Variants in MLXIP observed in about 807,000 individuals in gnomAD.
MLXIP encodes MLX interacting protein.
Under a neutral mutation model 87.2 loss-of-function variants are expected in MLXIP, and 30 were observed. The observed-to-expected ratio is 0.34, with a 90% CI of 0.26 to 0.47. The LOEUF is 0.47. Ranked by LOEUF, MLXIP falls within the 20% of genes least tolerant of loss-of-function variation. The pLI is 1.00. For missense variants in MLXIP, 1,002 were observed against 1,240.1 expected (o/e 0.81, Z 2.88); for synonymous variants, 530 against 514.0 (o/e 1.03, Z -0.42).
At chr12:122,117,304 G>T (rs777973649) in intron 1 of MLXIP, among the ~76,000 whole-genome samples, 10 of 152,210 alleles carry the variant, frequency 6.6e-5, no homozygotes, top group Non-Finnish European at 1.3e-4. Context: ...TCTCTGCTCG[G>T]GCAGGTGGCC....
chr12:122,089,820 C>T (rs1341064983), intron 1 of MLXIP, among the ~76,000 whole-genome samples: 1 of 152,170 alleles, frequency 6.6e-6, no homozygotes, highest in Admixed American at 6.5e-5. Context: ...CACCTAGTAC[C>T]TTTGTTATTC....
rs143643466 is a variant in MLXIP at position 122,141,194 on chromosome 12, C to T, written c.2638+111C>T. On this transcript the variant is annotated intron_variant, in intron 16 of 16. Transcript: ENST00000319080. The stretch of plus-strand genomic sequence containing the variant: ...TCCACTGCAGGCAGCCAGGTGGGGC[C>T]GGGGCAGGGGCACAGTGCTGTCCAG... The T allele has an allele frequency of 3.9e-5, 56 of 1,434,038 alleles. 1 individual carries two copies. The Middle Eastern group carries it at 7.4e-4, about 19-fold the overall frequency. 88.8% of individuals were successfully genotyped at this position (1,434,038 alleles called of 1,614,324 possible).
intron 1 of MLXIP, among the ~76,000 whole-genome samples, chr12:122,116,295 T>C (rs993523606): frequency 1.3e-5 from 2 of 152,012 alleles, no homozygotes; most frequent in African/African-American, 2.4e-5. Flanking sequence ...TTTTTTAATT[T>C]TATTATTATT....
At chr12:122,099,674 C>T (rs949276439) in intron 1 of MLXIP, among the ~76,000 whole-genome samples, 1 of 152,248 alleles carries the variant, frequency 6.6e-6, no homozygotes, top group African/African-American at 2.4e-5. Context: ...AGGAGCAGAG[C>T]CTCAGGGCTT....
Position 122,132,275 on chromosome 12 carries a change from C to T in MLXIP, c.1001-17C>T, listed in dbSNP as rs760187668. The T allele has an allele frequency of 6.3e-7, 1 of 1,593,228 alleles. No homozygotes were observed. Among genetic ancestry groups the T allele is most frequent in the East Asian group, 2.3e-5 (1 of 44,442 alleles). On this transcript the variant is annotated splice_polypyrimidine_tract_variant and intron_variant, in intron 7 of 16. Transcript: ENST00000319080. ...TGGGCACACTGAGCTCAGAAGACCC[C>T]TGCTGTTGTTTTTCAGACCTCTTCT...
chr12:122,140,396 A>G (rs1407441332), intron 15 of MLXIP, among the ~76,000 whole-genome samples: 1 of 152,078 alleles, frequency 6.6e-6, no homozygotes, highest in Non-Finnish European at 1.5e-5. Context: ...TCCCGGGTTC[A>G]AGCGATTCTC....
intron 1 of MLXIP, among the ~76,000 whole-genome samples, chr12:122,080,364 G>C (rs1326163863): frequency 6.6e-6 from 1 of 152,126 alleles, no homozygotes; most frequent in Non-Finnish European, 1.5e-5. Flanking sequence ...CATAAACAGC[G>C]TAATAAAAGA....
At chr12:122,082,064 T>C (rs922674327) in intron 1 of MLXIP, among the ~76,000 whole-genome samples, 12 of 152,330 alleles carry the variant, frequency 7.9e-5, no homozygotes, top group African/African-American at 2.9e-4. Context: ...AGAAGTGGCC[T>C]AGGGATTCTG....
intron 1 of MLXIP, among the ~76,000 whole-genome samples, chr12:122,114,274 C>A (rs137919815): frequency 0.011 from 1,733 of 152,300 alleles, 30 homozygotes; most frequent in African/African-American, 0.039. Flanking sequence ...GCGTGAGCCA[C>A]TGCGCCTGGC....
At position 122,133,304 on chromosome 12, in the gene MLXIP, T is replaced by C; in HGVS notation, c.1093-44T>C. 2 of 1,519,978 alleles carry C rather than the reference T, an allele frequency of 1.3e-6. No homozygotes were observed. The highest frequency in any genetic ancestry group is 1.8e-6 in the Non-Finnish European group (2 of 1,135,892). The allele number at this position is 1,519,978 out of a possible 1,614,324, so 94.2% of individuals were successfully genotyped here. On this transcript the variant is annotated intron_variant, in intron 8 of 16. Transcript: ENST00000319080. The surrounding 1 kb of genome is among the most constrained non-coding windows in gnomAD (Gnocchi z 4.9). ...AGTGTGCAGCGCTAGAAAGGAATTG[T>C]CTGACCCCAGCATTGCTTCCTGGCT...
At chr12:122,099,839 G>A (rs1176297052) in intron 1 of MLXIP, among the ~76,000 whole-genome samples, 1 of 152,202 alleles carries the variant, frequency 6.6e-6, no homozygotes, top group African/African-American at 2.4e-5. Flanking sequence ...GAACTCCCTT[G>A]GTGGGTGGGA....
chr12:122,127,968 G>T lies in MLXIP; in HGVS notation c.606G>T (p.Glu202Asp). The T allele has an allele frequency of 6.2e-7, 1 of 1,613,154 alleles. No homozygotes were observed. The highest frequency in any genetic ancestry group is 8.5e-7 in the Non-Finnish European group (1 of 1,179,590). Residue 202 changes from glutamate to aspartate, a missense_variant and splice_region_variant, in exon 3 of 17, where the codon GAG becomes GAT. Physicochemically the swap from Glu to Asp is conservative, Grantham distance 45 (BLOSUM62 2). Coordinates refer to ENST00000319080, the MANE Select transcript of MLXIP (RefSeq NM_014938.6). The stretch of plus-strand genomic sequence containing the variant: ...ACGTAGACGAGCACCGCCGGCCGGA[G>T]GTACTTGGCAGTGACCAAGGGTGGC... Reference protein sequence around the residue: ...SVDVDEHRRPEAITTEGKYWK... With the variant: ...SVDVDEHRRPDAITTEGKYWK...
Position 122,079,138 on chromosome 12 carries a change from G to A in MLXIP, c.285G>A (p.Lys95=). ...SSPHREHPPK[K]GYDFDTVNKQ... ...CGCACCGAGAGCACCCGCCCAAGAAGGGCTACGATTTCGACACGGTCAACA... is the reference window on the plus strand; with the variant it reads ...CGCACCGAGAGCACCCGCCCAAGAAAGGCTACGATTTCGACACGGTCAACA... The change falls in exon 1 of 17, where the codon AAG becomes AAA. Residue 95 remains lysine, a synonymous_variant. Transcript: ENST00000319080. The A allele has an allele frequency of 1.3e-6, 2 of 1,550,650 alleles. No homozygotes were observed. The highest frequency in any genetic ancestry group is 1.7e-6 in the Non-Finnish European group (2 of 1,146,752).
At position 122,129,322 on chromosome 12, in the gene MLXIP, C is replaced by T. The variant is rs544794983; in HGVS notation, c.696+96C>T. 65 of 1,151,468 alleles carry T rather than the reference C, an allele frequency of 5.6e-5. No individual in the cohort carries two copies. In the African/African-American group the frequency reaches 7.7e-4, roughly 14 times the overall value. 71.3% of individuals were successfully genotyped at this position (1,151,468 alleles called of 1,614,324 possible). On this transcript the variant is annotated intron_variant, in intron 4 of 16. Coordinates refer to ENST00000319080, the MANE Select transcript of MLXIP (RefSeq NM_014938.6). ...GCCGAGGCGGTAGGCTCCACAGCCG[C>T]CCCACCTGAACGTGGAGCGTCAAGC...
chr12:122,138,652 C>T (rs1953139631), intron 14 of MLXIP, 101 bp downstream of exon 14: 50 of 1,504,964 alleles, frequency 3.3e-5, no homozygotes, highest in Non-Finnish European at 4.3e-5. Flanking sequence ...TGGTCAGTGC[C>T]TCTTTGCTGC....
intron 1 of MLXIP, among the ~76,000 whole-genome samples, chr12:122,094,743 ATG>A (rs1488516203): frequency 1.0e-5 from 1 of 96,760 alleles, no homozygotes; most frequent in African/African-American, 4.2e-5. Flanking sequence ...TGTGTGTGGT[ATG>A]TGTGGGTGTG....
At position 122,137,714 on chromosome 12, in the gene MLXIP, T is replaced by G; in HGVS notation, c.2154+124T>G. 1 of 1,457,296 alleles carries G rather than the reference T, an allele frequency of 6.9e-7. No individual in the cohort carries two copies. The allele number at this position is 1,457,296 out of a possible 1,614,324, so 90.3% of individuals were successfully genotyped here. A position where few individuals can be genotyped will look rare whatever the true frequency, so the allele number is the denominator to read the frequency against. Reference sequence around the variant, plus strand: ...CCAGAGCTGCCCAGGCAGGGGTGGATCAGAAATGGGCTTCTCCTTGCCCCA... The same window carrying G: ...CCAGAGCTGCCCAGGCAGGGGTGGAGCAGAAATGGGCTTCTCCTTGCCCCA... On this transcript the variant is annotated intron_variant, in intron 12 of 16. Coordinates refer to ENST00000319080, the MANE Select transcript of MLXIP (RefSeq NM_014938.6). The surrounding 1 kb of genome is among the most constrained non-coding windows in gnomAD (Gnocchi z 4.1).
intron 5 of MLXIP, 52 bp downstream of exon 5, chr12:122,129,681 G>A: frequency 6.3e-7 from 1 of 1,599,060 alleles, no homozygotes. Flanking sequence ...GAGACAGCAG[G>A]GACTTCGGTG....
intron 1 of MLXIP, among the ~76,000 whole-genome samples, chr12:122,103,521 CT>C (rs36181949): frequency 0.43 from 47,599 of 110,792 alleles, 8,331 homozygotes; most frequent in Middle Eastern, 0.55. Context: ...TGCACCTGGC[CT>C]TTTTTTTTTT....
Sources: allele counts gnomAD v4.1 joint callset (sites outside exome capture counted in the v4.1 genomes callset), GRCh38; gene constraint gnomAD v4.1.1; non-coding constraint Gnocchi (gnomAD v3.1); transcripts MANE v1.5; gene names NCBI Gene and HGNC (gene_info 2026-07-23, HGNC 2026-07-21).